The following DFFB variants were observed in gnomAD, a reference collection of about 807,000 sequenced individuals.
DFFB encodes DNA fragmentation factor 40 kDa subunit.
In DFFB, 29 loss-of-function variants were observed where a neutral mutation model predicts 32.7. That is an observed-to-expected ratio of 0.89 (90% CI 0.66 to 1.21). The LOEUF is 1.21. Among genes scored for constraint, DFFB ranks in the 50% most tolerant of loss-of-function variants. DFFB has a pLI of 0.00. For missense variants in DFFB, 398 were observed against 440.6 expected, an observed-to-expected ratio of 0.90 and a Z score of 0.87; for synonymous variants, 170 against 177.1, an observed-to-expected ratio of 0.96 and a Z score of 0.32.
At chr1:3,868,372 C>T (rs1013203595) in intron 4 of DFFB, among the ~76,000 whole-genome samples, 10 of 152,068 alleles carry the variant, frequency 6.6e-5, no homozygotes, top group Admixed American at 2.6e-4. Flanking sequence ...CAGTGGCAAG[C>T]GTCACGGCAG....
chr1:3,860,744 C>A (rs959981970), intron 2 of DFFB, among the ~76,000 whole-genome samples: 2 of 152,184 alleles, frequency 1.3e-5, no homozygotes, highest in Admixed American at 6.5e-5. Context: ...GTACAGCCCT[C>A]TCCCATCCAT....
intron 2 of DFFB, chr1:3,860,477 C>T (rs1364113410): frequency 4.5e-6 from 2 of 441,852 alleles, no homozygotes; most frequent in Non-Finnish European, 4.6e-6. Flanking sequence ...TGTCCTCCTG[C>T]CTTGGTCTCC....
intron 6 of DFFB, among the ~76,000 whole-genome samples, chr1:3,876,788 TCA>T (rs777413136): frequency 9.2e-5 from 14 of 152,162 alleles, no homozygotes; most frequent in Non-Finnish European, 1.9e-4. Flanking sequence ...TAGTGCCACC[TCA>T]CACCAGGGGC....
chr1:3,875,495 G>A (rs780659638), intron 6 of DFFB, among the ~76,000 whole-genome samples: 2 of 152,120 alleles, frequency 1.3e-5, no homozygotes, highest in Admixed American at 6.6e-5. Flanking sequence ...CTACACACTC[G>A]CCATCCGTGT....
chr1:3,879,701 G>A (rs1645298624), intron 6 of DFFB, among the ~76,000 whole-genome samples: 1 of 152,128 alleles, frequency 6.6e-6, no homozygotes, highest in Non-Finnish European at 1.5e-5. Flanking sequence ...CTGGCAGCTG[G>A]AGCACACTAA....
In DFFB at chr1:3,869,332, A is replaced by T. The variant is rs1645062637; in HGVS notation, c.511-273A>T. ...CACCTCGGCCTCCCAGAGTGCTGGG[A>T]TTACAGACGTGAGCCACCACACCCA... On this transcript the variant is annotated intron_variant, in intron 4 of 6. Coordinates refer to ENST00000378209, the MANE Select transcript of DFFB (RefSeq NM_004402.4). Among the ~76,000 whole-genome samples, 5 of 152,196 alleles carry T rather than the reference A, an allele frequency of 3.3e-5. No individual in the cohort carries two copies. The South Asian group carries it at 1.0e-3, about 32-fold the overall frequency.
chr1:3,872,634 C>T, intron 6 of DFFB, 62 bp downstream of exon 6: 3 of 1,445,176 alleles, frequency 2.1e-6, no homozygotes, highest in Non-Finnish European at 2.9e-6. Context: ...CCTGCCGTGG[C>T]CCTGTCCCTG....
chr1:3,873,851 C>T (rs1282313522), intron 6 of DFFB, among the ~76,000 whole-genome samples: 1 of 152,092 alleles, frequency 6.6e-6, no homozygotes, highest in East Asian at 1.9e-4. Flanking sequence ...AAAAAAATCC[C>T]AAATCCAAAA....
intron 5 of DFFB, among the ~76,000 whole-genome samples, chr1:3,871,927 C>T (rs1024139968): frequency 1.3e-5 from 2 of 152,118 alleles, no homozygotes; most frequent in African/African-American, 4.8e-5. Context: ...ACTTTTAAGC[C>T]AGATCTCAGG....
At chr1:3,867,234 G>T (rs576596330) in intron 3 of DFFB, among the ~76,000 whole-genome samples, 1 of 152,216 alleles carries the variant, frequency 6.6e-6, no homozygotes, top group Non-Finnish European at 1.5e-5. Context: ...AGTCCACTGC[G>T]TGTACATACC....
At position 3,884,693 on chromosome 1, in the gene DFFB, C is replaced by T. The variant is rs1638317822; in HGVS notation, c.*952C>T. 6.6e-6 allele frequency: 1 copy of T among 152,206 alleles called. No homozygotes were observed. The highest frequency in any genetic ancestry group is 6.5e-5 in the Admixed American group (1 of 15,272). The allele number at this position is 152,206 out of a possible 1,614,324, so 9.4% of individuals were successfully genotyped here. A position where few individuals can be genotyped will look rare whatever the true frequency, so the allele number is the denominator to read the frequency against. On this transcript the variant is annotated 3_prime_UTR_variant, in exon 7 of 7. Coordinates refer to ENST00000378209, the MANE Select transcript of DFFB (RefSeq NM_004402.4). ...TCAAGTGGTTCTCCTTCCTCAGCCT[C>T]CCAAGTAGCTGGGATTACAGGCACC... is the stretch of plus-strand genomic sequence containing the variant.
chr1:3,866,744 C>A (rs941363893), intron 3 of DFFB, among the ~76,000 whole-genome samples: 9 of 152,084 alleles, frequency 5.9e-5, no homozygotes, highest in African/African-American at 2.2e-4. Flanking sequence ...TCCGCCAGCC[C>A]CTGGCCACCA....
At chr1:3,875,812 T>TA (rs1392331138) in intron 6 of DFFB, among the ~76,000 whole-genome samples, 2 of 152,236 alleles carry the variant, frequency 1.3e-5, no homozygotes, top group Non-Finnish European at 2.9e-5. Context: ...AGTCTCACTC[T>TA]GTCGCCCAGG....
chr1:3,861,628 A>G lies in DFFB; in HGVS notation c.241+2784A>G, dbSNP rs143998831. Among the ~76,000 whole-genome samples the G allele has an allele frequency of 1.9e-3, 287 of 152,226 alleles. 1 individual carries two copies. Among genetic ancestry groups the G allele is most frequent in the African/African-American group, 6.7e-3 (280 of 41,530 alleles). On this transcript the variant is annotated intron_variant, in intron 2 of 6. Transcript: ENST00000378209. Reference sequence around the variant, plus strand: ...TTTTCTGTAGAAACAGGGCTTCATCATGTTGCCCAGGGTGGCCTATAACTC... The same window carrying G: ...TTTTCTGTAGAAACAGGGCTTCATCGTGTTGCCCAGGGTGGCCTATAACTC...
Position 3,876,407 on chromosome 1 carries a change from C to T in DFFB, c.782+3835C>T, listed in dbSNP as rs901077247. ...GGAATGTTTCACCAAGTGTTTGCTGCGGTTATATTTTCTCTCACGCTTCCT... is the reference window on the plus strand; with the variant it reads ...GGAATGTTTCACCAAGTGTTTGCTGTGGTTATATTTTCTCTCACGCTTCCT... On this transcript the variant is annotated intron_variant, in intron 6 of 6. Coordinates refer to ENST00000378209, the MANE Select transcript of DFFB (RefSeq NM_004402.4). Among the ~76,000 whole-genome samples the T allele has an allele frequency of 6.6e-5, 10 of 152,280 alleles. No homozygotes were observed. The South Asian group carries it at 8.3e-4, about 13-fold the overall frequency.
At chr1:3,877,328 GTTTTTTT>G (rs5772128) in intron 6 of DFFB, among the ~76,000 whole-genome samples, 1 of 113,894 alleles carries the variant, frequency 8.8e-6, no homozygotes, top group Non-Finnish European at 1.7e-5. Flanking sequence ...TGGGAGTTCA[GTTTTTTT>G]TTTTTTTTTT....
Position 3,872,430 on chromosome 1 carries a change from G to T in DFFB, c.682-42G>T, listed in dbSNP as rs774138337. The stretch of plus-strand genomic sequence containing the variant: ...CTGTCTCAAGAAAAAAAAAAAAAGA[G>T]ACTCACTTTCTGGCCTTCCCTCATT... On this transcript the variant is annotated intron_variant, in intron 5 of 6. Coordinates refer to ENST00000378209, the MANE Select transcript of DFFB (RefSeq NM_004402.4). 3.5e-6 allele frequency: 5 copies of T among 1,423,360 alleles called. No homozygotes were observed. The African/African-American group carries it at 7.2e-5, about 20-fold the overall frequency. The allele number at this position is 1,423,360 out of a possible 1,614,324, so 88.2% of individuals were successfully genotyped here.
At chr1:3,876,736 C>T (rs1250027402) in intron 6 of DFFB, among the ~76,000 whole-genome samples, 4 of 152,276 alleles carry the variant, frequency 2.6e-5, no homozygotes, top group South Asian at 4.1e-4. Context: ...GGAGCCTAAA[C>T]ATGGCCTGCC....
intron 4 of DFFB, among the ~76,000 whole-genome samples, chr1:3,868,649 A>G (rs1303873009): frequency 9.4e-5 from 14 of 148,238 alleles, no homozygotes; most frequent in African/African-American, 2.3e-4. Context: ...ACCAAGCCAC[A>G]CCACACCAGG....
Sources: allele counts gnomAD v4.1 joint callset (sites outside exome capture counted in the v4.1 genomes callset), GRCh38; gene constraint gnomAD v4.1.1; transcripts MANE v1.5; gene names NCBI Gene and HGNC (gene_info 2026-07-23, HGNC 2026-07-21).